The following ANKRD36C variants were observed in gnomAD, a reference collection of about 807,000 sequenced individuals.
The protein encoded by ANKRD36C is ankyrin repeat domain-containing protein 36C.
In ANKRD36C, 61 loss-of-function variants were observed where a neutral mutation model predicts 276.4. The observed-to-expected ratio is 0.22, with a 90% CI of 0.18 to 0.27. ANKRD36C has a LOEUF of 0.27. Ranked by LOEUF, ANKRD36C falls within the 10% of genes least tolerant of loss-of-function variation. ANKRD36C has a pLI of 1.00. For missense variants in ANKRD36C, 1,447 were observed against 2,032.3 expected, an observed-to-expected ratio of 0.71 and a Z score of 5.54; for synonymous variants, 483 against 680.1, an observed-to-expected ratio of 0.71 and a Z score of 4.51.
chr2:95,971,504 T>C (rs1194808233), intron 6 of ANKRD36C, among the ~76,000 whole-genome samples: 1 of 152,044 alleles, frequency 6.6e-6, no homozygotes. Context: ...AAGTTATTAA[T>C]TTTTTAAAAA....
chr2:95,913,605 C>G (rs1455672742), intron 40 of ANKRD36C, among the ~76,000 whole-genome samples: 1 of 151,292 alleles, frequency 6.6e-6, no homozygotes, highest in Non-Finnish European at 1.5e-5. Flanking sequence ...AGCAGAAACC[C>G]CAAAATTATA....
intron 36 of ANKRD36C, among the ~76,000 whole-genome samples, chr2:95,916,565 T>G (rs1677103043): frequency 1.3e-5 from 2 of 151,600 alleles, no homozygotes; most frequent in Admixed American, 1.3e-4. Context: ...AACCAAAGGA[T>G]TTACACCATT....
intron 30 of ANKRD36C, among the ~76,000 whole-genome samples, chr2:95,924,544 T>C (rs1380123231): frequency 6.6e-6 from 1 of 151,678 alleles, no homozygotes; most frequent in East Asian, 1.9e-4. Flanking sequence ...TGCTCTGGAA[T>C]ATCATTGTAT....
Position 95,894,133 on chromosome 2 carries a change from C to G in ANKRD36C, c.2756-2273G>C, listed in dbSNP as rs559313119. 6.3e-4 allele frequency: 156 copies of G among 247,592 alleles called. 1 individual carries two copies. The South Asian group carries it at 9.0e-3, about 14-fold the overall frequency. 15.3% of individuals were successfully genotyped at this position (247,592 alleles called of 1,614,324 possible). A position where few individuals can be genotyped will look rare whatever the true frequency, so the allele number is the denominator to read the frequency against. ...AATCAAAAGGATTTACACCATTATA[C>G]TAAAAACATTCATCATGCTCTTTAA... On this transcript the variant is annotated intron_variant, in intron 44 of 66. Transcript: ENST00000456556.
At chr2:95,930,548 A>G (rs2104441317) in intron 24 of ANKRD36C, among the ~76,000 whole-genome samples, 1 of 151,636 alleles carries the variant, frequency 6.6e-6, no homozygotes, top group South Asian at 2.1e-4. Context: ...CATACACATC[A>G]ATGAAATAAT....
At chr2:95,857,593 C>T (rs995109697) in intron 61 of ANKRD36C, 101 bp from the exon 82 acceptor site, 12 of 1,149,432 alleles carry the variant, frequency 1.0e-5, no homozygotes, top group Non-Finnish European at 1.1e-5. Context: ...GGGAGTCGTG[C>T]CCTACAAACC....
In ANKRD36C at chr2:95,918,059, A is replaced by T; in HGVS notation, c.2246-17T>A. The T allele has an allele frequency of 2.5e-6, 4 of 1,598,644 alleles. No individual in the cohort carries two copies. The highest frequency in any genetic ancestry group is 3.4e-6 in the Non-Finnish European group (4 of 1,174,554). On this transcript the variant is annotated splice_polypyrimidine_tract_variant and intron_variant, in intron 34 of 66. Transcript: ENST00000456556. ...GAGAAGACACTGAAAAGCAAAAGGG[A>T]TACATAATCACTCATGTGTAAATAT...
In ANKRD36C at chr2:95,855,265, C is replaced by T. The variant is rs1481181577; in HGVS notation, c.4995+1G>A. The T allele has an allele frequency of 1.3e-6, 2 of 1,570,300 alleles. No homozygotes were observed. The highest frequency in any genetic ancestry group is 8.6e-7 in the Non-Finnish European group (1 of 1,161,458). ...AAATACTTATTTTTCTTGATACTTA[C>T]TTCTCTTTCTGCTTTCTCTTTTTCA... On this transcript the variant is annotated splice_donor_variant, in intron 63 of 66. Transcript: ENST00000456556. LOFTEE classifies it high-confidence loss of function.
chr2:95,891,674 T>G, exon 46 of ANKRD36C: 3 of 1,558,042 alleles, frequency 1.9e-6, no homozygotes, highest in East Asian at 2.4e-5. Context: ...CCTCTCCTAG[T>G]TTTTTCTCCA....
downstream of ANKRD36C, among the ~76,000 whole-genome samples, chr2:95,849,121 A>T (rs1675233602): frequency 6.6e-6 from 1 of 152,028 alleles, no homozygotes; most frequent in Non-Finnish European, 1.5e-5. Flanking sequence ...GTGCAGTGGC[A>T]TGATCTTGGC....
intron 6 of ANKRD36C, among the ~76,000 whole-genome samples, chr2:95,974,931 G>T (rs1678775414): frequency 6.6e-6 from 1 of 151,204 alleles, no homozygotes; most frequent in Non-Finnish European, 1.5e-5. Flanking sequence ...GCCATAGTTT[G>T]CTTAGAATGA....
intron 34 of ANKRD36C, among the ~76,000 whole-genome samples, chr2:95,919,178 T>C (rs1183667656): frequency 1.5e-5 from 2 of 134,390 alleles, no homozygotes; most frequent in African/African-American, 2.5e-5. Flanking sequence ...CAAATGCAAG[T>C]GAAGTGAGTT....
At chr2:95,894,341 T>C (rs1439963348) in intron 44 of ANKRD36C, 1 of 153,174 alleles carries the variant, frequency 6.5e-6, no homozygotes, top group Admixed American at 6.4e-5. Flanking sequence ...GTTTCTTGTA[T>C]CCACTAGTTT....
chr2:95,932,761 G>A (rs533059704), intron 24 of ANKRD36C, among the ~76,000 whole-genome samples: 5 of 152,228 alleles, frequency 3.3e-5, no homozygotes, highest in Non-Finnish European at 7.4e-5. Context: ...AAATAAAACC[G>A]CACAAGTTCC....
chr2:95,914,792 C>A (rs1677043022), intron 38 of ANKRD36C, among the ~76,000 whole-genome samples: 1 of 151,524 alleles, frequency 6.6e-6, no homozygotes. Context: ...GTTGAACTTA[C>A]ACTTCACATC....
chr2:95,859,963 T>C (rs1397103604), exon 61 of ANKRD36C: 4 of 1,550,322 alleles, frequency 2.6e-6, no homozygotes, highest in Non-Finnish European at 3.5e-6. Context: ...ACTAGCCTTA[T>C]TTTTCAGTTT....
intron 1 of ANKRD36C, among the ~76,000 whole-genome samples, chr2:95,988,312 TAGTA>T: frequency 6.6e-6 from 1 of 152,118 alleles, no homozygotes; most frequent in East Asian, 1.9e-4. Context: ...CAATGATTAA[TAGTA>T]GTATTTGAGA....
intron 6 of ANKRD36C, among the ~76,000 whole-genome samples, chr2:95,975,769 T>A (rs1202048355): frequency 1.3e-5 from 2 of 152,120 alleles, no homozygotes; most frequent in Non-Finnish European, 2.9e-5. Context: ...AAGCCAAATA[T>A]GACACATGGG....
chr2:95,861,899 A>G (rs1258612628), intron 60 of ANKRD36C, among the ~76,000 whole-genome samples: 1 of 152,100 alleles, frequency 6.6e-6, no homozygotes, highest in Admixed American at 6.6e-5. Context: ...AAAAAGATAC[A>G]TGCTAACAGT....
Sources: gnomAD v4.1 joint callset for allele counts (sites outside exome capture counted in the v4.1 genomes callset) on GRCh38, gnomAD v4.1.1 for gene constraint, MANE v1.5 for transcripts, NCBI Gene and HGNC (gene_info 2026-07-23, HGNC 2026-07-21) for gene names.